ZC3H12B: variants seen among roughly 807,000 people sequenced by gnomAD.
ZC3H12B encodes the protein zinc finger CCCH-type containing 12B.
In ZC3H12B, 7 loss-of-function variants were observed where a neutral mutation model predicts 43.9. The ratio of observed to expected loss-of-function variants is 0.16; its 90% CI spans 0.09 to 0.30. ZC3H12B has a LOEUF of 0.30. Among genes scored for constraint, ZC3H12B ranks in the 10% least tolerant of loss-of-function variants. ZC3H12B has a pLI of 1.00. For missense variants in ZC3H12B, 475 were observed against 670.2 expected, an observed-to-expected ratio of 0.71 and a Z score of 3.22; for synonymous variants, 222 against 241.7, an observed-to-expected ratio of 0.92 and a Z score of 0.76.
At chrX:65,455,033 A>G (rs1390227111) in intron 3 of ZC3H12B, among the ~76,000 whole-genome samples, 2 of 112,264 alleles carry the variant, frequency 1.8e-5, no homozygotes, top group African/African-American at 6.5e-5. Context: ...GGGAAAAAAC[A>G]GAGCAGAAAA....
chrX:65,143,627 A>T, the ZC3H12B span, among the ~76,000 whole-genome samples: 4 of 106,421 alleles, frequency 3.8e-5, no homozygotes, highest in African/African-American at 1.4e-4. Context: ...CTCTGGTGTG[A>T]TCATGGCTCA....
At chrX:65,418,969 G>A (rs1048771284) in intron 3 of ZC3H12B, among the ~76,000 whole-genome samples, 1 of 111,661 alleles carries the variant, frequency 9.0e-6, no homozygotes, top group Admixed American at 9.5e-5. Context: ...AGGATTACTG[G>A]ACATTAGATC....
At chrX:65,476,406 T>C (rs776902033) in intron 3 of ZC3H12B, among the ~76,000 whole-genome samples, 65 of 112,326 alleles carry the variant, frequency 5.8e-4, no homozygotes, top group African/African-American at 2.0e-3. Flanking sequence ...GGGTTTTTAA[T>C]TTCTTTCTCT....
At chrX:65,322,461 G>T in the ZC3H12B span, among the ~76,000 whole-genome samples, 1 of 112,268 alleles carries the variant, frequency 8.9e-6, no homozygotes, top group Non-Finnish European at 1.9e-5. Context: ...TGCATGTGTG[G>T]ATGTTCACAT....
chrX:65,118,375 G>T, the ZC3H12B span, among the ~76,000 whole-genome samples: 3 of 111,527 alleles, frequency 2.7e-5, no homozygotes, highest in African/African-American at 6.5e-5. Flanking sequence ...TCTGTTATTG[G>T]TGTAGAGGAA....
chrX:65,455,095 T>C (rs970050427), intron 3 of ZC3H12B, among the ~76,000 whole-genome samples: 2 of 112,203 alleles, frequency 1.8e-5, no homozygotes, highest in Non-Finnish European at 3.8e-5. Context: ...GGAATGCAGC[T>C]CCTCAACAGC....
chrX:65,247,538 A>G, the ZC3H12B span, among the ~76,000 whole-genome samples: 1 of 113,030 alleles, frequency 8.8e-6, no homozygotes, highest in East Asian at 2.8e-4. Flanking sequence ...TCATATTCAC[A>G]GTGGAACACT....
At chrX:65,220,640 A>C in the ZC3H12B span, among the ~76,000 whole-genome samples, 6 of 112,248 alleles carry the variant, frequency 5.3e-5, no homozygotes, top group African/African-American at 1.9e-4. Context: ...CTAGTTCAGC[A>C]GGAAACTATC....
At chrX:65,371,847 G>A (rs1258448358) in intron 2 of ZC3H12B, among the ~76,000 whole-genome samples, 1 of 111,631 alleles carries the variant, frequency 9.0e-6, no homozygotes, top group East Asian at 2.8e-4. Context: ...AATTTTTCTA[G>A]GGGATTGTCT....
At chrX:65,328,167 T>G in the ZC3H12B span, 1 of 214,912 alleles carries the variant, frequency 4.7e-6, no homozygotes, top group Non-Finnish European at 9.5e-6. Flanking sequence ...ACAAATAATC[T>G]CAGTAGATAT....
the ZC3H12B span, among the ~76,000 whole-genome samples, chrX:65,179,401 T>A: frequency 1.1e-5 from 1 of 91,410 alleles, no homozygotes; most frequent in Admixed American, 1.0e-4. Context: ...TAACTTAAAG[T>A]TATTTAAAAA....
intron 1 of ZC3H12B, among the ~76,000 whole-genome samples, chrX:65,368,013 G>C (rs889785158): frequency 9.0e-6 from 1 of 111,486 alleles, no homozygotes; most frequent in African/African-American, 3.3e-5. Context: ...CTTTGCTTCT[G>C]GACCATAGTT....
chrX:65,319,610 A>G, the ZC3H12B span, among the ~76,000 whole-genome samples: 1 of 111,538 alleles, frequency 9.0e-6, no homozygotes, highest in Non-Finnish European at 1.9e-5. Flanking sequence ...CCTGGCAGAG[A>G]CACACACAAA....
chrX:65,498,186 T>A (rs1358724602), intron 2 of ZC3H12B, among the ~76,000 whole-genome samples: 1 of 111,938 alleles, frequency 8.9e-6, no homozygotes, highest in Non-Finnish European at 1.9e-5. Flanking sequence ...ATTACAGGCA[T>A]AAGCCACCAC....
At chrX:65,421,479 G>GACT (rs1428967828) in intron 3 of ZC3H12B, among the ~76,000 whole-genome samples, 3 of 112,032 alleles carry the variant, frequency 2.7e-5, no homozygotes, top group Admixed American at 1.9e-4. Flanking sequence ...GATTACATTG[G>GACT]ACTACTTTTA....
the ZC3H12B span, among the ~76,000 whole-genome samples, chrX:65,129,272 T>TAC: frequency 6.5e-5 from 6 of 92,551 alleles, no homozygotes; most frequent in African/African-American, 2.5e-4. Flanking sequence ...TATATATATA[T>TAC]ACATATATAC....
the ZC3H12B span, among the ~76,000 whole-genome samples, chrX:65,118,129 T>G: frequency 9.0e-6 from 1 of 111,506 alleles, no homozygotes; most frequent in Non-Finnish European, 1.9e-5. Flanking sequence ...GGGGATGGCA[T>G]TGAATCTATA....
At chrX:65,372,876 GAA>G (rs2066267130) in intron 2 of ZC3H12B, among the ~76,000 whole-genome samples, 1 of 111,279 alleles carries the variant, frequency 9.0e-6, no homozygotes, top group South Asian at 3.8e-4. Flanking sequence ...CAATACACAG[GAA>G]AAGACTGAAA....
the ZC3H12B span, among the ~76,000 whole-genome samples, chrX:65,065,573 CAATTT>C: frequency 9.0e-6 from 1 of 111,475 alleles, no homozygotes; most frequent in Non-Finnish European, 1.9e-5. Context: ...CTGCCCTTAA[CAATTT>C]TTCCTTTGTT....
Sources: gnomAD v4.1 joint callset for allele counts (sites outside exome capture counted in the v4.1 genomes callset) on GRCh38, gnomAD v4.1.1 for gene constraint, MANE v1.5 for transcripts, NCBI Gene and HGNC (gene_info 2026-07-23, HGNC 2026-07-21) for gene names.